Variants in CDAN1 observed in about 807,000 individuals in gnomAD.
The protein encoded by CDAN1 is codanin-1.
CDAN1 carries 107 observed loss-of-function variants against 139.8 expected under a neutral mutation model. The ratio of observed to expected loss-of-function variants is 0.77; its 90% confidence interval spans 0.65 to 0.90. CDAN1 has a LOEUF of 0.90. CDAN1 is among the 40% of genes least tolerant of loss of function. The pLI, the probability that CDAN1 is intolerant of heterozygous loss-of-function variation, is 0.00. For synonymous variants in CDAN1, 776 were observed against 660.6 expected, an observed-to-expected ratio of 1.17 and a Z score of -2.68; for missense variants, 1,667 against 1,575.7, an observed-to-expected ratio of 1.06 and a Z score of -0.98.
Position 42,735,172 on chromosome 15 carries a change from A to G in CDAN1, c.1064T>C (p.Leu355Pro), listed in dbSNP as rs745406952. The G allele has an allele frequency of 6.2e-7, 1 of 1,613,614 alleles. No individual in the cohort carries two copies. Among genetic ancestry groups the G allele is most frequent in the Admixed American group, 1.7e-5 (1 of 60,016 alleles). The stretch of plus-strand genomic sequence containing the variant: ...GATGCTTTGGAACAGTGGACTTTCC[A>G]GGGAATCTAGAAGGACAGTACCAAG... ...PELSPAVLDSLESPLFQSIHD... is the reference protein window; with the variant it reads ...PELSPAVLDSPESPLFQSIHD... The change falls in exon 6 of 28, where the codon CTG becomes CCG. Residue 355 changes from leucine to proline, a missense_variant. Coordinates refer to ENST00000356231, the MANE Select transcript of CDAN1 (RefSeq NM_138477.4).
At chr15:42,736,908 G>T in intron 1 of CDAN1, 105 bp downstream of exon 1, 1 of 1,467,726 alleles carries the variant, frequency 6.8e-7, no homozygotes. Flanking sequence ...GAGTGCACTC[G>T]GCCCGGCTGG....
intron 6 of CDAN1, 109 bp downstream of exon 6, chr15:42,734,991 G>A: frequency 1.3e-6 from 1 of 762,232 alleles, no homozygotes; most frequent in East Asian, 2.7e-5. Context: ...GGTAGGAGAA[G>A]GTCCAGGACC....
At chr15:42,732,295 C>T in intron 10 of CDAN1, 38 bp downstream of exon 10, 1 of 1,582,588 alleles carries the variant, frequency 6.3e-7, no homozygotes, top group Non-Finnish European at 8.7e-7. Flanking sequence ...GTGATGCCTG[C>T]TGTTTAATGT....
At chr15:42,731,549 A>G in intron 11 of CDAN1, 71 bp downstream of exon 11, 5 of 1,538,368 alleles carry the variant, frequency 3.3e-6, no homozygotes, top group Non-Finnish European at 4.5e-6. Flanking sequence ...CTGGAGAACT[A>G]TTTACCCTTT....
At position 42,731,761 on chromosome 15, in the gene CDAN1, A is replaced by G. The variant is rs1312985501; in HGVS notation, c.1598T>C (p.Met533Thr). Residue 533 changes from methionine to threonine, a missense_variant, in exon 11 of 28, where the codon ATG (methionine) becomes ACG (threonine). Met to Thr is a moderately conservative substitution (Grantham distance 81). Transcript: ENST00000356231. ...CCGCCCCAGCTTGTCAGCTCCCAGC[A>G]TACTCAACACATCTGGGGCCTCGCC... Reference protein sequence around the residue: ...VLGEAPDVLSMLGADKLGRLW... With the variant: ...VLGEAPDVLSTLGADKLGRLW... 1.9e-6 allele frequency: 3 copies of G among 1,614,192 alleles called. No individual in the cohort carries two copies. Among genetic ancestry groups the G allele is most frequent in the Non-Finnish European group, 1.7e-6 (2 of 1,180,032 alleles).
In CDAN1 at chr15:42,735,365, A is replaced by G. The variant is rs1158010277; in HGVS notation, c.953T>C (p.Val318Ala). ...VYSSCIAENL[V>A]PNLFLELFFV... ...GAAAAGCTCCAAGAAGAGGTTTGGT[A>G]CCAGGTTCTCTAGATAGATACAAAA... The change falls in exon 5 of 28, where the codon GTA (valine) becomes GCA (alanine). Residue 318 changes from valine to alanine, a missense_variant. Physicochemically the swap from Val to Ala is moderately conservative, Grantham distance 64 (BLOSUM62 0). Transcript: ENST00000356231. The G allele has an allele frequency of 6.2e-7, 1 of 1,604,958 alleles. No individual in the cohort carries two copies. Among genetic ancestry groups the G allele is most frequent in the Admixed American group, 1.7e-5 (1 of 58,664 alleles).
chr15:42,727,164 C>T (rs1350599019), intron 23 of CDAN1: 2 of 157,482 alleles, frequency 1.3e-5, no homozygotes, highest in Non-Finnish European at 1.4e-5. Context: ...TTTCTTGACT[C>T]CTGCTCTAGA....
chr15:42,726,811 G>A (rs769919697), intron 23 of CDAN1: 1 of 236,308 alleles, frequency 4.2e-6, no homozygotes, highest in Non-Finnish European at 8.4e-6. Context: ...CTTCTCTGGA[G>A]AGCTGAGCTT....
chr15:42,735,024 G>A (rs1844057233), intron 6 of CDAN1, 76 bp downstream of exon 6: 2 of 982,830 alleles, frequency 2.0e-6, no homozygotes, highest in African/African-American at 1.6e-5. Context: ...TTAAGCACCA[G>A]CATATATCCC....
intron 20 of CDAN1, among the ~76,000 whole-genome samples, 190 bp from the exon 21 acceptor site, chr15:42,728,457 C>T (rs1401773472): frequency 3.3e-5 from 5 of 151,690 alleles, no homozygotes; most frequent in Non-Finnish European, 5.9e-5. Flanking sequence ...GCATCACACA[C>T]GCTCCCAAAC....
Position 42,727,640 on chromosome 15 carries a change from T to A in CDAN1, c.3077A>T (p.His1026Leu). The A allele has an allele frequency of 6.3e-7, 1 of 1,579,008 alleles. No homozygotes were observed. The highest frequency in any genetic ancestry group is 8.6e-7 in the Non-Finnish European group (1 of 1,159,510). Residue 1026 changes from histidine (H) to leucine (L), a missense_variant, in exon 23 of 28, where the codon CAC (histidine) becomes CTC (leucine). This residue lies in a region of CDAN1 where 936 missense variants were observed against 844.1 expected (regional missense o/e 1.11). Coordinates refer to ENST00000356231, the MANE Select transcript of CDAN1 (RefSeq NM_138477.4). The part of the protein sequence containing the change: ...ACEHHAPLPS[H>L]LISEIKDVLS... ...GTGTACTTTTATCTCGGAGATGAGG[T>A]GGGAGGGGAGGGGAGCATGGTGCTC...
At chr15:42,732,227 C>G (rs1359482479) in intron 10 of CDAN1, 106 bp downstream of exon 10, 6 of 1,097,864 alleles carry the variant, frequency 5.5e-6, no homozygotes, top group Non-Finnish European at 8.4e-6. Context: ...CAAATTCCAG[C>G]CCAGGACCTG....
At chr15:42,732,438 G>T (rs749028244) in intron 9 of CDAN1, 30 bp from the exon 10 acceptor site, 1 of 1,593,160 alleles carries the variant, frequency 6.3e-7, no homozygotes, top group Non-Finnish European at 8.6e-7. Context: ...AATGAAGGGT[G>T]TGGAAAGGAG....
Position 42,730,619 on chromosome 15 carries a change from G to A in CDAN1, c.2153C>T (p.Thr718Ile), listed in dbSNP as rs1220850720. 6.2e-7 allele frequency: 1 copy of A among 1,614,122 alleles called. No homozygotes were observed. Among genetic ancestry groups the A allele is most frequent in the Admixed American group, 1.7e-5 (1 of 60,012 alleles). Residue 718 changes from threonine to isoleucine, a missense_variant, in exon 14 of 28, where the codon ACT (threonine) becomes ATT (isoleucine). Thr to Ile is a moderately conservative substitution (Grantham distance 89). Around this residue, in one of 3 missense-constraint regions of CDAN1, gnomAD observed 936 missense variants for 844.1 expected, o/e 1.11. Transcript: ENST00000356231. Reference sequence around the variant, plus strand: ...TCACCGGTGCAGGCGCAGCAGGAGAGTGAAGATGTCCCGGTAATATTCCAG... The same window carrying A: ...TCACCGGTGCAGGCGCAGCAGGAGAATGAAGATGTCCCGGTAATATTCCAG... ...PLLEYYRDIF[T>I]LLLRLHRSLV...
intron 9 of CDAN1, 26 bp from the exon 10 acceptor site, chr15:42,732,434 G>T: frequency 6.2e-7 from 1 of 1,606,230 alleles, no homozygotes; most frequent in Non-Finnish European, 8.5e-7. Context: ...CAGGAATGAA[G>T]GGTGTGGAAA....
chr15:42,727,178 T>A (rs1232231087), intron 23 of CDAN1: 2 of 159,008 alleles, frequency 1.3e-5, no homozygotes, highest in African/African-American at 4.8e-5. Context: ...CTCTAGAGAG[T>A]CTTTGAGTTT....
At chr15:42,736,865 C>T (rs1234355743) in intron 1 of CDAN1, 85 bp from the exon 2 acceptor site, 1 of 1,447,724 alleles carries the variant, frequency 6.9e-7, no homozygotes, top group Non-Finnish European at 9.1e-7. Context: ...GGGCGCGCCT[C>T]GGGTGGGCGG....
Position 42,736,422 on chromosome 15 carries a change from C to A in CDAN1, c.449G>T (p.Gly150Val), listed in dbSNP as rs779702162. The A allele has an allele frequency of 4.4e-6, 7 of 1,602,078 alleles. No individual in the cohort carries two copies. Among genetic ancestry groups the A allele is most frequent in the East Asian group, 4.5e-5 (2 of 44,464 alleles). The change falls in exon 2 of 28, where the codon GGC (glycine) becomes GTC (valine). Residue 150 changes from glycine (G) to valine (V), a missense_variant. Physicochemically the swap from Gly to Val is moderately radical, Grantham distance 109 (BLOSUM62 -3). Coordinates refer to ENST00000356231, the MANE Select transcript of CDAN1 (RefSeq NM_138477.4). ...GCTGCCAGAGCCCCTAAGCCTCCGG[C>A]CCCCGGCTCCGGGCAGGCTCTCCCC... is the stretch of plus-strand genomic sequence containing the variant. Reference protein sequence around the residue: ...VSGESLPGAGGRRLRGSGSPS... With the variant: ...VSGESLPGAGVRRLRGSGSPS...
chr15:42,736,535 C>T lies in CDAN1; in HGVS notation c.336G>A (p.Glu112=), dbSNP rs1228093614. Residue 112 remains glutamate, a synonymous_variant, in exon 2 of 28, where the codon GAG becomes GAA. Transcript: ENST00000356231. Reference sequence around the variant, plus strand: ...TGCCCCCGCGGCGGGCCAGAGGGGCCTCGGCAGCGGTGCTCTGGGCCTCGG... The same window carrying T: ...TGCCCCCGCGGCGGGCCAGAGGGGCTTCGGCAGCGGTGCTCTGGGCCTCGG... The part of the protein sequence containing the change: ...PPTEAQSTAA[E]APLARRGGRR... 2.1e-6 allele frequency: 3 copies of T among 1,456,798 alleles called. No individual in the cohort carries two copies. The highest frequency in any genetic ancestry group is 2.7e-6 in the Non-Finnish European group (3 of 1,106,266). 90.2% of individuals were successfully genotyped at this position (1,456,798 alleles called of 1,614,324 possible). A position where few individuals can be genotyped will look rare whatever the true frequency, so the allele number is the denominator to read the frequency against.
Sources: allele counts gnomAD v4.1 joint callset (sites outside exome capture counted in the v4.1 genomes callset), GRCh38; gene constraint gnomAD v4.1.1; regional missense constraint gnomAD v4.1.1; transcripts MANE v1.5; gene names NCBI Gene and HGNC (gene_info 2026-07-23, HGNC 2026-07-21).